The following BRINP1 variants were observed in gnomAD, a reference collection of about 807,000 sequenced individuals.
BRINP1 encodes BMP/retinoic acid inducible neural specific 1.
A neutral mutation model predicts 72.9 loss-of-function variants in BRINP1; 17 were observed. The observed-to-expected ratio is 0.23, with a 90% CI of 0.16 to 0.35. BRINP1 has a LOEUF of 0.35. Among genes scored for constraint, BRINP1 ranks in the 10% least tolerant of loss-of-function variants. BRINP1 has a pLI of 1.00. For synonymous variants in BRINP1, 418 were observed against 378.5 expected, an observed-to-expected ratio of 1.10 and a Z score of -1.21; for missense variants, 850 against 1,001.6, an observed-to-expected ratio of 0.85 and a Z score of 2.04.
At chr9:119,276,784 T>C (rs1264417626) in intron 2 of BRINP1, among the ~76,000 whole-genome samples, 4 of 152,216 alleles carry the variant, frequency 2.6e-5, no homozygotes, top group Non-Finnish European at 5.9e-5. Flanking sequence ...CAGATTTAAA[T>C]TCTTTGTCTT....
At position 119,252,766 on chromosome 9, in the gene BRINP1, G is replaced by A. The variant is rs188232250; in HGVS notation, c.219-3616C>T. ...AAATCACTCTTTTAATGTAAATATC[G>A]AGAGGTAGAATATAAAAGCATAGTA... On this transcript the variant is annotated intron_variant, in intron 2 of 7. Coordinates refer to ENST00000265922, the MANE Select transcript of BRINP1 (RefSeq NM_014618.3). Among the ~76,000 whole-genome samples, 8 of 152,170 alleles carry A rather than the reference G, an allele frequency of 5.3e-5. 1 individual carries two copies. Among genetic ancestry groups the A allele is most frequent in the Admixed American group, 1.3e-4 (2 of 15,274 alleles).
At chr9:119,241,471 T>G (rs2118911505) in intron 4 of BRINP1, among the ~76,000 whole-genome samples, 1 of 152,286 alleles carries the variant, frequency 6.6e-6, no homozygotes, top group South Asian at 2.1e-4. Context: ...CTAAAATAAT[T>G]ATTGTTTGGT....
chr9:119,185,952 C>T lies in BRINP1; in HGVS notation c.1146-17728G>A, dbSNP rs561824410. ...CCACTGCGCTTCTCCATCCCTGAGG[C>T]ACTGACATCATTGCACTATGATCAT... On this transcript the variant is annotated intron_variant, in intron 7 of 7. Transcript: ENST00000265922. Among the ~76,000 whole-genome samples the T allele has an allele frequency of 9.2e-5, 14 of 152,358 alleles. 1 individual carries two copies. In the South Asian group the frequency reaches 2.5e-3, roughly 27 times the overall value.
At chr9:119,307,827 C>T (rs1039861274) in intron 2 of BRINP1, among the ~76,000 whole-genome samples, 28 of 152,184 alleles carry the variant, frequency 1.8e-4, no homozygotes, top group African/African-American at 2.4e-4. Context: ...TAAAGGTCTG[C>T]GGTAAGAAGT....
intron 2 of BRINP1, among the ~76,000 whole-genome samples, chr9:119,254,587 T>C (rs1305875949): frequency 6.6e-6 from 1 of 152,214 alleles, no homozygotes; most frequent in Non-Finnish European, 1.5e-5. Flanking sequence ...CAAAAGGCTT[T>C]GTCAGCCTTA....
At chr9:119,341,141 A>G (rs1831401496) in intron 1 of BRINP1, among the ~76,000 whole-genome samples, 1 of 152,148 alleles carries the variant, frequency 6.6e-6, no homozygotes, top group Admixed American at 6.5e-5. Flanking sequence ...AAGTACATGG[A>G]GGCCCCTAAA....
intron 5 of BRINP1, among the ~76,000 whole-genome samples, chr9:119,230,313 T>A (rs1274953244): frequency 6.6e-6 from 1 of 152,044 alleles, no homozygotes; most frequent in African/African-American, 2.4e-5. Flanking sequence ...ACCAAAACTT[T>A]CACGGAGGCT....
rs3983912 is a variant in BRINP1 at position 119,247,657 on chromosome 9, C to CA, written c.409+1302dup. ...TAGGCGACAGAGCGAGACTCCGTCT[C>CA]AAAAAAAAAAAAAAAAAAAAAAAAA... On this transcript the variant is annotated intron_variant, in intron 3 of 7. Transcript: ENST00000265922. Among the ~76,000 whole-genome samples the CA allele has an allele frequency of 2.6e-4, 19 of 73,012 alleles. 1 individual carries two copies. Among genetic ancestry groups the CA allele is most frequent in the African/African-American group, 8.3e-4 (15 of 18,002 alleles). The allele number at this position is 73,012 out of a possible 152,430, so 47.9% of individuals were successfully genotyped here.
chr9:119,322,815 T>C (rs953636919), intron 1 of BRINP1, among the ~76,000 whole-genome samples: 3 of 152,190 alleles, frequency 2.0e-5, no homozygotes, highest in Non-Finnish European at 4.4e-5. Context: ...TAACCCCCTC[T>C]GTGCCTCAGT....
chr9:119,247,246 A>C (rs886698468), intron 3 of BRINP1, among the ~76,000 whole-genome samples: 2 of 152,226 alleles, frequency 1.3e-5, no homozygotes, highest in African/African-American at 4.8e-5. Context: ...TAATGATTTC[A>C]TATTCAAAGT....
chr9:119,326,887 C>A (rs548599757), intron 1 of BRINP1, among the ~76,000 whole-genome samples: 2 of 152,170 alleles, frequency 1.3e-5, no homozygotes, highest in Non-Finnish European at 2.9e-5. Context: ...CTGGAGATGA[C>A]ATCTAGATGA....
At chr9:119,308,120 G>A (rs866815786) in intron 2 of BRINP1, among the ~76,000 whole-genome samples, 2 of 152,208 alleles carry the variant, frequency 1.3e-5, no homozygotes, top group Admixed American at 6.5e-5. Context: ...TCACTGTTGT[G>A]ATGATTATTG....
intron 2 of BRINP1, among the ~76,000 whole-genome samples, chr9:119,295,109 A>C (rs915355153): frequency 6.6e-6 from 1 of 152,090 alleles, no homozygotes; most frequent in Non-Finnish European, 1.5e-5. Flanking sequence ...TTTAAAATAT[A>C]CTGGCATGTA....
intron 7 of BRINP1, among the ~76,000 whole-genome samples, chr9:119,201,385 G>A (rs777246248): frequency 2.0e-5 from 3 of 152,194 alleles, no homozygotes; most frequent in Non-Finnish European, 2.9e-5. Flanking sequence ...TCTTAGAGTT[G>A]AGAAGGACCT....
At chr9:119,336,588 G>A (rs1831347328) in intron 1 of BRINP1, among the ~76,000 whole-genome samples, 1 of 152,108 alleles carries the variant, frequency 6.6e-6, no homozygotes, top group Admixed American at 6.6e-5. Flanking sequence ...GGGAGCAGAG[G>A]GAGCAAGAAT....
intron 7 of BRINP1, among the ~76,000 whole-genome samples, chr9:119,184,966 A>C (rs1829600447): frequency 6.6e-6 from 1 of 152,194 alleles, no homozygotes; most frequent in Non-Finnish European, 1.5e-5. Context: ...ACTGGCTCTA[A>C]ACTGACATTA....
chr9:119,242,806 A>G (rs558485654), intron 3 of BRINP1, among the ~76,000 whole-genome samples: 2 of 152,258 alleles, frequency 1.3e-5, no homozygotes, highest in African/African-American at 4.8e-5. Flanking sequence ...AAATTTATAC[A>G]TTTTCTTCTT....
intron 5 of BRINP1, among the ~76,000 whole-genome samples, chr9:119,216,761 T>G (rs2118880100): frequency 6.6e-6 from 1 of 152,312 alleles, no homozygotes; most frequent in East Asian, 1.9e-4. Flanking sequence ...ATTCTATTCT[T>G]GGTCCCAGCC....
chr9:119,337,737 G>T (rs1831361692), intron 1 of BRINP1, among the ~76,000 whole-genome samples: 1 of 152,370 alleles, frequency 6.6e-6, no homozygotes, highest in African/African-American at 2.4e-5. Context: ...TCCTCTGCCT[G>T]TTTCTGCCTC....
Sources: allele counts gnomAD v4.1 joint callset (sites outside exome capture counted in the v4.1 genomes callset), GRCh38; gene constraint gnomAD v4.1.1; transcripts MANE v1.5; gene names NCBI Gene and HGNC (gene_info 2026-07-23, HGNC 2026-07-21).